Variants in EOGT observed in about 807,000 individuals in gnomAD.
The protein encoded by EOGT is EGF domain-specific O-linked N-acetylglucosamine transferase.
In EOGT, 55 loss-of-function variants were observed where a neutral mutation model predicts 70.5. That is an observed-to-expected ratio of 0.78 (90% CI 0.63 to 0.98). EOGT has a LOEUF of 0.98. Among genes scored for constraint, EOGT ranks in the 50% least tolerant of loss-of-function variants. The pLI is 0.00. For missense variants in EOGT, 703 were observed against 641.9 expected (o/e 1.10, Z -1.03); for synonymous variants, 246 against 217.1 (o/e 1.13, Z -1.17).
At chr3:68,981,368 C>CA (rs1553662887) in intron 15 of EOGT, among the ~76,000 whole-genome samples, 5 of 152,034 alleles carry the variant, frequency 3.3e-5, no homozygotes, top group Non-Finnish European at 7.4e-5. Context: ...GAATGAAGTG[C>CA]AAAGCTCCCA....
Position 69,001,596 on chromosome 3 carries a change from GTTAT to G in EOGT, c.727+8_727+11del, listed in dbSNP as rs770045526. On this transcript the variant is annotated splice_region_variant and intron_variant, in intron 9 of 17. Transcript: ENST00000383701. The stretch of plus-strand genomic sequence containing the variant: ...AACAAATACACAAATAACAGAAAAA[GTTAT>G]TTCTCACCTGCATCTAATTTCATGA... 6.6e-7 allele frequency: 1 copy of G among 1,523,704 alleles called. No homozygotes were observed. Among genetic ancestry groups the G allele is most frequent in the East Asian group, 2.3e-5 (1 of 43,726 alleles). 94.4% of individuals were successfully genotyped at this position (1,523,704 alleles called of 1,614,324 possible).
At chr3:68,982,650 T>C (rs1202753406) in intron 15 of EOGT, 161 bp downstream of exon 15, 2 of 419,310 alleles carry the variant, frequency 4.8e-6, no homozygotes, top group Non-Finnish European at 8.5e-6. Flanking sequence ...CTGCCCTTGT[T>C]ACCAGGGACT....
intron 14 of EOGT, among the ~76,000 whole-genome samples, chr3:68,986,885 G>C (rs766152555): frequency 3.3e-5 from 5 of 152,160 alleles, no homozygotes; most frequent in Non-Finnish European, 7.3e-5. Context: ...ATTAACTATT[G>C]TAGAATAAAT....
chr3:69,008,126 G>A (rs1404148545), intron 5 of EOGT, among the ~76,000 whole-genome samples: 1 of 152,134 alleles, frequency 6.6e-6, no homozygotes, highest in African/African-American at 2.4e-5. Flanking sequence ...TGTATTGGAA[G>A]TACTAATTAT....
rs533944551 is a variant in EOGT at position 68,975,986 on chromosome 3, T to A, written c.*1632A>T. Reference sequence around the variant, plus strand: ...AAAATAGAAGTAACTAGTCTCTAAATCAGACTACTCAAGTGTTAATAAAAT... The same window carrying A: ...AAAATAGAAGTAACTAGTCTCTAAAACAGACTACTCAAGTGTTAATAAAAT... On this transcript the variant is annotated 3_prime_UTR_variant, in exon 18 of 18. Coordinates refer to ENST00000383701, the MANE Select transcript of EOGT (RefSeq NM_001278689.2). The A allele has an allele frequency of 2.0e-5, 3 of 152,352 alleles. No homozygotes were observed. The highest frequency in any genetic ancestry group is 4.4e-5 in the Non-Finnish European group (3 of 68,026). The allele number at this position is 152,352 out of a possible 1,614,324, so 9.4% of individuals were successfully genotyped here. A position where few individuals can be genotyped will look rare whatever the true frequency, so the allele number is the denominator to read the frequency against.
Position 68,988,488 on chromosome 3 carries a change from G to C in EOGT, c.996+18C>G. On this transcript the variant is annotated intron_variant, in intron 12 of 17. Coordinates refer to ENST00000383701, the MANE Select transcript of EOGT (RefSeq NM_001278689.2). ...TATGTCTGTAAATATGAATGCTAATGGTAGACAATGTGCTTACCAGAGGAG... is the reference window on the plus strand; with the variant it reads ...TATGTCTGTAAATATGAATGCTAATCGTAGACAATGTGCTTACCAGAGGAG... The C allele has an allele frequency of 2.0e-6, 3 of 1,518,816 alleles. No homozygotes were observed. Among genetic ancestry groups the C allele is most frequent in the Non-Finnish European group, 2.7e-6 (3 of 1,132,044 alleles). 94.1% of individuals were successfully genotyped at this position (1,518,816 alleles called of 1,614,324 possible).
chr3:69,000,719 A>G (rs141697384), intron 9 of EOGT, among the ~76,000 whole-genome samples: 4 of 152,278 alleles, frequency 2.6e-5, no homozygotes, highest in Non-Finnish European at 5.9e-5. Context: ...ATATAGTACA[A>G]TCTGTGTTTC....
chr3:69,009,595 T>C (rs2091519215), intron 4 of EOGT, 42 bp downstream of exon 4: 48 of 1,514,584 alleles, frequency 3.2e-5, no homozygotes, highest in Non-Finnish European at 4.4e-5. Flanking sequence ...CCAGCTGAAA[T>C]TGCATCCTCA....
At chr3:68,981,951 G>A (rs1575710293) in intron 15 of EOGT, among the ~76,000 whole-genome samples, 1 of 151,492 alleles carries the variant, frequency 6.6e-6, no homozygotes, top group African/African-American at 2.4e-5. Context: ...CTGTCACACA[G>A]GCCGGAGTGC....
At chr3:69,008,569 T>C in intron 4 of EOGT, 41 bp from the exon 5 acceptor site, 2 of 1,415,138 alleles carry the variant, frequency 1.4e-6, no homozygotes, top group Non-Finnish European at 2.0e-6. Flanking sequence ...TCTTCTGACA[T>C]TTAGAGAAGA....
At chr3:69,002,979 A>G (rs2091338276) in intron 8 of EOGT, among the ~76,000 whole-genome samples, 3 of 152,244 alleles carry the variant, frequency 2.0e-5, no homozygotes, top group South Asian at 2.1e-4. Flanking sequence ...TGGTATGGAC[A>G]TTTGACCTTA....
At chr3:68,983,977 AC>A (rs2090727940) in intron 14 of EOGT, among the ~76,000 whole-genome samples, 1 of 152,220 alleles carries the variant, frequency 6.6e-6, no homozygotes, top group Admixed American at 6.5e-5. Flanking sequence ...AAAGAAAAAA[AC>A]ATACCAAATA....
intron 10 of EOGT, among the ~76,000 whole-genome samples, chr3:68,990,348 C>CCT (rs2090955616): frequency 9.3e-6 from 1 of 107,892 alleles, no homozygotes; most frequent in South Asian, 3.3e-4. Context: ...TTACCACATG[C>CCT]TTTTTTTTTT....
chr3:69,003,404 T>C (rs564496534), intron 8 of EOGT, among the ~76,000 whole-genome samples: 12 of 152,066 alleles, frequency 7.9e-5, no homozygotes, highest in African/African-American at 2.9e-4. Context: ...AACTGAATCA[T>C]GGGGGTGGGT....
At chr3:68,993,218 T>C (rs566044711) in intron 10 of EOGT, among the ~76,000 whole-genome samples, 1 of 152,328 alleles carries the variant, frequency 6.6e-6, no homozygotes, top group East Asian at 1.9e-4. Flanking sequence ...GGCTGCAAAT[T>C]TTCTGAACTT....
intron 8 of EOGT, among the ~76,000 whole-genome samples, chr3:69,003,577 C>A (rs758456681): frequency 9.9e-5 from 15 of 152,192 alleles, no homozygotes; most frequent in Non-Finnish European, 1.8e-4. Flanking sequence ...GTCCATTAAA[C>A]CTCTTTCCTT....
rs1254831473 is a variant in EOGT, at chr3:68,982,877, GA to G, written c.1153-6del. On this transcript the variant is annotated splice_region_variant and splice_polypyrimidine_tract_variant and intron_variant, in intron 14 of 17. Transcript: ENST00000383701. ...TGTTTTCAGTGCATTTACAAGCTGG[GA>G]AAAAAAGAGAAACATTTAGCATTTC... 2.5e-6 allele frequency: 4 copies of G among 1,592,252 alleles called. No individual in the cohort carries two copies. The highest frequency in any genetic ancestry group is 3.4e-6 in the Non-Finnish European group (4 of 1,169,614).
intron 6 of EOGT, among the ~76,000 whole-genome samples, chr3:69,006,449 C>T (rs527391111): frequency 3.3e-5 from 5 of 152,260 alleles, no homozygotes; most frequent in South Asian, 4.2e-4. Flanking sequence ...GGTTGGAGAT[C>T]GGAGACCCCT....
intron 9 of EOGT, 69 bp downstream of exon 9, chr3:69,001,539 A>T: frequency 9.6e-7 from 1 of 1,039,940 alleles, no homozygotes; most frequent in Non-Finnish European, 1.4e-6. Context: ...AGAGAGAATT[A>T]CTACATCCAA....
Sources: gnomAD v4.1 joint callset for allele counts (sites outside exome capture counted in the v4.1 genomes callset) on GRCh38, gnomAD v4.1.1 for gene constraint, MANE v1.5 for transcripts, NCBI Gene and HGNC (gene_info 2026-07-23, HGNC 2026-07-21) for gene names.